FRY: variants seen among roughly 807,000 people sequenced by gnomAD.
FRY encodes FRY microtubule binding protein.
In FRY, 128 loss-of-function variants were observed where a neutral mutation model predicts 348.4. The ratio of observed to expected loss-of-function variants is 0.37; its 90% CI spans 0.32 to 0.43. The LOEUF (loss-of-function observed/expected upper bound fraction) is 0.43, where lower values mean the gene tolerates loss of function less well. Ranked by LOEUF, FRY falls within the 20% of genes least tolerant of loss-of-function variation. The pLI is 1.00. For missense variants in FRY, 2,736 were observed against 3,695.2 expected (o/e 0.74, Z 6.73); for synonymous variants, 1,370 against 1,374.7 (o/e 1.00, Z 0.08).
intron 1 of FRY, among the ~76,000 whole-genome samples, chr13:32,070,461 T>G (rs1256362604): frequency 6.6e-6 from 1 of 152,216 alleles, no homozygotes; most frequent in East Asian, 1.9e-4. Context: ...ATTTCTCTGA[T>G]AACCAGTGAT....
intron 7 of FRY, among the ~76,000 whole-genome samples, chr13:32,125,226 A>G (rs1878947018): frequency 6.6e-6 from 1 of 152,194 alleles, no homozygotes; most frequent in Non-Finnish European, 1.5e-5. Flanking sequence ...ACAATATATC[A>G]TCTATCAGTG....
chr13:32,098,001 A>G lies in FRY; in HGVS notation c.271-3962A>G, dbSNP rs535538405. ...ATACACAGAAAATAAAGGGATTTTC[A>G]TATTTGAAAAAACTGGACACCACTG... On this transcript the variant is annotated intron_variant, in intron 2 of 60. Coordinates refer to ENST00000542859, the MANE Select transcript of FRY (RefSeq NM_023037.3). Among the ~76,000 whole-genome samples the G allele has an allele frequency of 8.0e-4, 122 of 152,222 alleles. 1 individual carries two copies. Among genetic ancestry groups the G allele is most frequent in the African/African-American group, 2.9e-3 (119 of 41,474 alleles).
intron 2 of FRY, among the ~76,000 whole-genome samples, chr13:32,092,807 G>C (rs1048189092): frequency 6.6e-6 from 1 of 152,110 alleles, no homozygotes; most frequent in Non-Finnish European, 1.5e-5. Flanking sequence ...TCTGCAAATG[G>C]GGAGAAATGA....
intron 1 of FRY, among the ~76,000 whole-genome samples, chr13:32,071,313 T>C (rs898000879): frequency 6.6e-6 from 1 of 152,234 alleles, no homozygotes; most frequent in African/African-American, 2.4e-5. Flanking sequence ...AGTATGGCCA[T>C]TTTCATGGAT....
At chr13:32,275,051 T>C in intron 56 of FRY, 60 bp downstream of exon 56, 3 of 1,444,062 alleles carry the variant, frequency 2.1e-6, no homozygotes, top group Non-Finnish European at 9.8e-7. Flanking sequence ...GTGCAGAACT[T>C]CAGGGTAGCA....
chr13:32,052,469 G>A (rs1024224042), intron 1 of FRY, among the ~76,000 whole-genome samples: 6 of 152,186 alleles, frequency 3.9e-5, no homozygotes, highest in Admixed American at 2.0e-4. Context: ...TTGTAATAGC[G>A]ACATTAAAAA....
intron 21 of FRY, 112 bp downstream of exon 21, chr13:32,178,548 C>T (rs1472469818): frequency 2.5e-6 from 3 of 1,190,386 alleles, no homozygotes; most frequent in Non-Finnish European, 2.4e-6. Context: ...GAACTTCCTA[C>T]TAGAGAATTC....
chr13:32,248,642 A>C (rs1390594875), intron 48 of FRY, among the ~76,000 whole-genome samples: 1 of 152,104 alleles, frequency 6.6e-6, no homozygotes, highest in African/African-American at 2.4e-5. Flanking sequence ...ACCTTTCATC[A>C]TTTCAGTATT....
chr13:32,197,561 C>T lies in FRY; in HGVS notation c.3746+3264C>T, dbSNP rs147503141. On this transcript the variant is annotated intron_variant, in intron 29 of 60. Transcript: ENST00000542859. ...CAGCTGTGTGTTCTTGAACAAGTTA[C>T]TGCAGTTGCCTACCCACTAGTAAAA... 4.5e-3 allele frequency among the ~76,000 whole-genome samples: 682 copies of T among 152,308 alleles called. 2 individuals are homozygous for T. Among genetic ancestry groups the T allele is most frequent in the African/African-American group, 0.015 (610 of 41,566 alleles).
chr13:32,141,236 G>A (rs535000922), intron 11 of FRY, among the ~76,000 whole-genome samples: 1 of 152,004 alleles, frequency 6.6e-6, no homozygotes, highest in Non-Finnish European at 1.5e-5. Context: ...ATGTTGTTAT[G>A]ATAATTTTAG....
intron 3 of FRY, among the ~76,000 whole-genome samples, chr13:32,113,578 A>G (rs2138678676): frequency 6.6e-6 from 1 of 152,366 alleles, no homozygotes; most frequent in East Asian, 1.9e-4. Context: ...TCATCTCTTC[A>G]TGCTGCCCAG....
intron 52 of FRY, 81 bp from the exon 53 acceptor site, chr13:32,262,233 A>T: frequency 8.7e-7 from 1 of 1,143,918 alleles, no homozygotes; most frequent in Non-Finnish European, 1.3e-6. Context: ...AAGACGTATT[A>T]ACCAACAACT....
At chr13:32,180,458 C>T (rs1331480143) in intron 23 of FRY, among the ~76,000 whole-genome samples, 1 of 152,228 alleles carries the variant, frequency 6.6e-6, no homozygotes, top group Non-Finnish European at 1.5e-5. Context: ...TGTTCTCGAA[C>T]TTCTGACCTC....
chr13:32,266,500 A>G (rs1476921079), intron 54 of FRY, among the ~76,000 whole-genome samples: 1 of 152,226 alleles, frequency 6.6e-6, no homozygotes, highest in East Asian at 1.9e-4. Flanking sequence ...ATAATTTTTC[A>G]TAATGAAAAA....
rs1467823242 is a variant in FRY, at chr13:32,296,579, T to C, written c.*1119T>C. The C allele has an allele frequency of 2.0e-5, 3 of 151,652 alleles. No homozygotes were observed. The highest frequency in any genetic ancestry group is 7.3e-5 in the African/African-American group (3 of 41,104). 9.4% of individuals were successfully genotyped at this position (151,652 alleles called of 1,614,324 possible). A position where few individuals can be genotyped will look rare whatever the true frequency, so the allele number is the denominator to read the frequency against. On this transcript the variant is annotated 3_prime_UTR_variant, in exon 61 of 61. Coordinates refer to ENST00000542859, the MANE Select transcript of FRY (RefSeq NM_023037.3). ...CATTTAAAGTTTTTGTGATGTAAGC[T>C]TAATTGATATTCTGTTCAGAACTTT...
chr13:32,213,292 G>A (rs977899350), intron 35 of FRY, among the ~76,000 whole-genome samples: 16 of 152,168 alleles, frequency 1.1e-4, no homozygotes, highest in Non-Finnish European at 1.9e-4. Context: ...AGATGACCTG[G>A]CACAGGGCTG....
chr13:32,275,194 C>T lies in FRY; in HGVS notation c.8286+203C>T, dbSNP rs535239523. The T allele has an allele frequency of 1.3e-3, 582 of 440,276 alleles. 2 individuals carry two copies. Among genetic ancestry groups the T allele is most frequent in the African/African-American group, 0.011 (520 of 48,830 alleles). 27.3% of individuals were successfully genotyped at this position (440,276 alleles called of 1,614,324 possible). On this transcript the variant is annotated intron_variant, in intron 56 of 60. Coordinates refer to ENST00000542859, the MANE Select transcript of FRY (RefSeq NM_023037.3). ...GAGATCGAGACCATCCTGGCTAACA[C>T]GGTGAAACCCCGTATCTATTAAAAA...
chr13:32,117,569 G>C, intron 4 of FRY, 96 bp downstream of exon 4: 1 of 1,277,614 alleles, frequency 7.8e-7, no homozygotes, highest in South Asian at 1.2e-5. Flanking sequence ...GGGTCTTCCT[G>C]ACTCTTCACA....
intron 2 of FRY, among the ~76,000 whole-genome samples, chr13:32,094,313 G>A (rs748512248): frequency 1.3e-5 from 2 of 152,170 alleles, no homozygotes; most frequent in Non-Finnish European, 2.9e-5. Flanking sequence ...ATCACATCAT[G>A]GAGAATGGGT....
Sources: gnomAD v4.1 joint callset for allele counts (sites outside exome capture counted in the v4.1 genomes callset) on GRCh38, gnomAD v4.1.1 for gene constraint, MANE v1.5 for transcripts, NCBI Gene and HGNC (gene_info 2026-07-23, HGNC 2026-07-21) for gene names.